Variants in PPP2R2B observed in about 807,000 individuals in gnomAD.
PPP2R2B encodes serine/threonine-protein phosphatase 2A 55 kDa regulatory subunit B beta isoform.
Under a neutral mutation model 46.0 loss-of-function variants are expected in PPP2R2B, and 5 were observed. That is an observed-to-expected ratio of 0.11 (90% CI 0.06 to 0.23). The LOEUF is 0.23. Ranked by LOEUF, PPP2R2B falls within the 10% of genes least tolerant of loss-of-function variation. The probability of loss-of-function intolerance (pLI) is 1.00; values close to 1 mark genes in which losing one functional copy is unlikely to be tolerated. For synonymous variants in PPP2R2B, 215 were observed against 206.7 expected, an observed-to-expected ratio of 1.04 and a Z score of -0.34; for missense variants, 367 against 575.0, an observed-to-expected ratio of 0.64 and a Z score of 3.70.
At chr5:146,692,747 G>T (rs936094344) in intron 4 of PPP2R2B, among the ~76,000 whole-genome samples, 1 of 151,680 alleles carries the variant, frequency 6.6e-6, no homozygotes, top group Non-Finnish European at 1.5e-5. Flanking sequence ...TGTTAGCCAG[G>T]ATGGTCTCGA....
intron 1 of PPP2R2B, among the ~76,000 whole-genome samples, chr5:146,894,895 G>GCTCT (rs1420736469): frequency 6.6e-6 from 1 of 152,148 alleles, no homozygotes; most frequent in Non-Finnish European, 1.5e-5. Flanking sequence ...TCTCCTGTAA[G>GCTCT]CTCTTTGGGG....
intron 2 of PPP2R2B, among the ~76,000 whole-genome samples, chr5:146,850,742 G>A (rs989887283): frequency 6.6e-6 from 1 of 152,108 alleles, no homozygotes; most frequent in African/African-American, 2.4e-5. Context: ...GCTTGTCACG[G>A]TTGCAATTGT....
At chr5:146,946,915 A>C (rs1764502453) in intron 1 of PPP2R2B, among the ~76,000 whole-genome samples, 1 of 152,084 alleles carries the variant, frequency 6.6e-6, no homozygotes, top group Non-Finnish European at 1.5e-5. Flanking sequence ...GCTTTAAAAA[A>C]TACTCAGCAG....
chr5:146,658,200 T>C (rs752685339), intron 5 of PPP2R2B, among the ~76,000 whole-genome samples: 2 of 152,176 alleles, frequency 1.3e-5, no homozygotes, highest in Non-Finnish European at 2.9e-5. Flanking sequence ...ACGGAAACCC[T>C]GACCCTGGTG....
At chr5:146,881,077 A>T (rs1762152386), upstream of PPP2R2B, among the ~76,000 whole-genome samples, 1 of 151,182 alleles carries the variant, frequency 6.6e-6, no homozygotes, top group South Asian at 2.1e-4. Context: ...TGGGGGAGAG[A>T]GTGGGGGAGA....
At chr5:146,724,336 A>C (rs1056996146) in intron 2 of PPP2R2B, among the ~76,000 whole-genome samples, 1 of 151,794 alleles carries the variant, frequency 6.6e-6, no homozygotes, top group Non-Finnish European at 1.5e-5. Flanking sequence ...TGAGGGTTAC[A>C]TGAGAATATA....
chr5:147,017,893 A>C (rs1175360348), intron 1 of PPP2R2B, among the ~76,000 whole-genome samples: 2 of 152,132 alleles, frequency 1.3e-5, no homozygotes, highest in African/African-American at 4.8e-5. Flanking sequence ...AAGGATCTTC[A>C]AGCTGGAAAG....
chr5:146,802,494 C>T (rs1377784537), intron 2 of PPP2R2B, among the ~76,000 whole-genome samples: 3 of 152,126 alleles, frequency 2.0e-5, no homozygotes, highest in African/African-American at 7.2e-5. Flanking sequence ...TGTCAAAGTT[C>T]ACATTAAGCA....
chr5:146,890,990 T>A (rs1762476341), intron 1 of PPP2R2B, among the ~76,000 whole-genome samples: 2 of 152,146 alleles, frequency 1.3e-5, no homozygotes, highest in Non-Finnish European at 2.9e-5. Flanking sequence ...AAATAAGGCC[T>A]GGGTCCAAAG....
chr5:146,966,106 G>T (rs1752391176), intron 1 of PPP2R2B, among the ~76,000 whole-genome samples: 1 of 152,202 alleles, frequency 6.6e-6, no homozygotes, highest in African/African-American at 2.4e-5. Context: ...CCAGGAATTG[G>T]AATCCTGTAC....
intron 1 of PPP2R2B, among the ~76,000 whole-genome samples, chr5:146,908,177 T>C (rs1253870996): frequency 1.3e-5 from 2 of 152,174 alleles, no homozygotes; most frequent in African/African-American, 4.8e-5. Flanking sequence ...TTTTAAAGTT[T>C]TGAGGGAAAC....
At chr5:146,976,319 G>A (rs1465843925) in intron 1 of PPP2R2B, among the ~76,000 whole-genome samples, 1 of 151,758 alleles carries the variant, frequency 6.6e-6, no homozygotes, top group Non-Finnish European at 1.5e-5. Context: ...TGTATTTTTA[G>A]TAGAGATGGG....
intron 1 of PPP2R2B, among the ~76,000 whole-genome samples, chr5:147,050,638 A>G (rs1036921502): frequency 6.7e-6 from 1 of 150,360 alleles, no homozygotes; most frequent in Non-Finnish European, 1.5e-5. Context: ...AAATGAGGAT[A>G]ACAGTGTTGA....
chr5:146,797,498 C>T (rs182968775), intron 2 of PPP2R2B, among the ~76,000 whole-genome samples: 96 of 152,302 alleles, frequency 6.3e-4, no homozygotes, highest in African/African-American at 2.1e-3. Context: ...ACCCATCTTT[C>T]TGGCCTCTGG....
upstream of PPP2R2B, among the ~76,000 whole-genome samples, chr5:147,059,840 G>T (rs193160823): frequency 1.3e-4 from 20 of 152,258 alleles, no homozygotes; most frequent in Admixed American, 1.3e-3. Context: ...TAGAGCCCCT[G>T]CCTTGGGGCC....
Position 146,721,941 on chromosome 5 carries a change from T to C in PPP2R2B, c.71-20799A>G, listed in dbSNP as rs374211866. Among the ~76,000 whole-genome samples, 58 of 152,330 alleles carry C rather than the reference T, an allele frequency of 3.8e-4. No individual in the cohort carries two copies. In the East Asian group the frequency reaches 4.6e-3, roughly 12 times the overall value. On this transcript the variant is annotated intron_variant, in intron 2 of 9. Transcript: ENST00000394411. ...CACTACTAATATAGATGTAGAGATA[T>C]GCATACCCACACAGCAGGCTCTGTG...
chr5:146,659,536 G>A (rs1213610231), intron 5 of PPP2R2B, among the ~76,000 whole-genome samples: 2 of 152,100 alleles, frequency 1.3e-5, no homozygotes, highest in Admixed American at 1.3e-4. Flanking sequence ...ATTTTCAGTA[G>A]CACTGTTAGG....
At chr5:147,037,349 CA>C (rs1015230018) in intron 1 of PPP2R2B, among the ~76,000 whole-genome samples, 1 of 149,336 alleles carries the variant, frequency 6.7e-6, no homozygotes, top group Non-Finnish European at 1.5e-5. Context: ...AATTGTTAGG[CA>C]AAAAAAAGTA....
At chr5:146,986,323 A>G (rs954757212) in intron 1 of PPP2R2B, among the ~76,000 whole-genome samples, 3 of 152,188 alleles carry the variant, frequency 2.0e-5, no homozygotes, top group Non-Finnish European at 4.4e-5. Flanking sequence ...TTCCAGGCCA[A>G]TGTCCACAGA....
Sources: gnomAD v4.1 joint callset for allele counts (sites outside exome capture counted in the v4.1 genomes callset) on GRCh38, gnomAD v4.1.1 for gene constraint, MANE v1.5 for transcripts, NCBI Gene and HGNC (gene_info 2026-07-23, HGNC 2026-07-21) for gene names.